The following MCF2L variants were observed in gnomAD, a reference collection of about 807,000 sequenced individuals.
The protein encoded by MCF2L is MCF.2 cell line derived transforming sequence like.
In MCF2L, 97 loss-of-function variants were observed where a neutral mutation model predicts 153.4. That is an observed-to-expected ratio of 0.63 (90% CI 0.54 to 0.75). MCF2L has a LOEUF of 0.75. MCF2L is among the 30% of genes least tolerant of loss of function. The probability of loss-of-function intolerance (pLI) is 0.00; values close to 1 mark genes in which losing one functional copy is unlikely to be tolerated. For missense variants in MCF2L, 1,347 were observed against 1,495.2 expected (o/e 0.90, Z 1.64); for synonymous variants, 659 against 632.2 (o/e 1.04, Z -0.64).
In MCF2L at chr13:113,096,757, G is replaced by T; in HGVS notation, c.3293-17G>T. On this transcript the variant is annotated splice_polypyrimidine_tract_variant and intron_variant, in intron 29 of 29. Coordinates refer to ENST00000535094, the MANE Select transcript of MCF2L (RefSeq NM_001112732.3). ...AGAGCCGACGCCGAAGCCCGTCCCC[G>T]CCTGATCTCCCCGCAGAGTCGAGCC... 3 of 1,564,354 alleles carry T rather than the reference G, an allele frequency of 1.9e-6. No individual in the cohort carries two copies. Among genetic ancestry groups the T allele is most frequent in the Non-Finnish European group, 1.7e-6 (2 of 1,163,462 alleles).
intron 1 of MCF2L, chr13:112,894,445 G>A (rs1433935769): frequency 6.6e-6 from 1 of 151,534 alleles, no homozygotes; most frequent in Non-Finnish European, 1.5e-5. Flanking sequence ...CGCGCGGGGC[G>A]GGGGCCTGGA....
chr13:112,935,313 G>A (rs558006744), intron 2 of MCF2L, among the ~76,000 whole-genome samples: 7 of 152,130 alleles, frequency 4.6e-5, no homozygotes, highest in Admixed American at 6.5e-5. Flanking sequence ...GCTGAAGTGC[G>A]GTGGCACGAT....
chr13:112,989,092 G>C (rs1169425910), intron 1 of MCF2L, among the ~76,000 whole-genome samples: 4 of 79,794 alleles, frequency 5.0e-5, no homozygotes, highest in Admixed American at 2.4e-4. Flanking sequence ...CTGAGCAGGG[G>C]ATGGAGCTAC....
intron 21 of MCF2L, 40 bp from the exon 22 acceptor site, chr13:113,087,195 C>G (rs747094710): frequency 6.4e-7 from 1 of 1,556,058 alleles, no homozygotes; most frequent in Non-Finnish European, 8.8e-7. Flanking sequence ...GGCCCCAGGC[C>G]CATCCCGTCC....
In MCF2L at chr13:112,960,714, C is replaced by G. The variant is rs1328562640; in HGVS notation, c.170-54049C>G. Among the ~76,000 whole-genome samples, 1 of 152,190 alleles carries G rather than the reference C, an allele frequency of 6.6e-6. No homozygotes were observed. Among genetic ancestry groups the G allele is most frequent in the East Asian group, 1.9e-4 (1 of 5,182 alleles). On this transcript the variant is annotated intron_variant, in intron 2 of 29. Coordinates refer to the MCF2L transcript ENST00000375608. The surrounding 1 kb of genome is among the most constrained non-coding windows in gnomAD (Gnocchi z 4.2). ...GAGCAGGGCTAGTCCCTTCTGGAGG[C>G]TCCAGGAAGAATCCTTTCCTCGCCC...
chr13:112,908,740 T>TTTTTTG (rs1566630560), intron 2 of MCF2L, among the ~76,000 whole-genome samples: 1 of 56,554 alleles, frequency 1.8e-5, no homozygotes, highest in Non-Finnish European at 3.5e-5. Context: ...TGGTTTTTTT[T>TTTTTTG]TGTTTTTTTT....
chr13:112,963,629 G>A (rs753572247), intron 2 of MCF2L, among the ~76,000 whole-genome samples: 22 of 152,294 alleles, frequency 1.4e-4, no homozygotes, highest in Middle Eastern at 6.8e-3. Context: ...GTAGAATTGC[G>A]TCCCCTGAAA....
chr13:112,898,431 T>G (rs1232029981), intron 1 of MCF2L, among the ~76,000 whole-genome samples: 1 of 152,084 alleles, frequency 6.6e-6, no homozygotes, highest in African/African-American at 2.4e-5. Flanking sequence ...AAAGGCACCA[T>G]CCCCGTGAAC....
In MCF2L at chr13:113,082,243, C is replaced by T. The variant is rs74115788; in HGVS notation, c.1876-184C>T. Among the ~76,000 whole-genome samples the T allele has an allele frequency of 3.7e-3, 571 of 152,334 alleles. 7 individuals carry two copies. Among genetic ancestry groups the T allele is most frequent in the African/African-American group, 0.013 (525 of 41,584 alleles). Reference sequence around the variant, plus strand: ...AAGGGTAGAACCTCCACCCCATTCCCCCAAATTGGTGCTGTTCATAATGCT... The same window carrying T: ...AAGGGTAGAACCTCCACCCCATTCCTCCAAATTGGTGCTGTTCATAATGCT... On this transcript the variant is annotated intron_variant, in intron 16 of 29. Transcript: ENST00000535094.
At chr13:112,995,617 C>T (rs1048616530) in intron 1 of MCF2L, among the ~76,000 whole-genome samples, 4 of 152,272 alleles carry the variant, frequency 2.6e-5, no homozygotes, top group Middle Eastern at 6.8e-3. Flanking sequence ...AAGTCACCCC[C>T]GGGATGTGCC....
chr13:112,990,862 G>A (rs2082869214), intron 1 of MCF2L, among the ~76,000 whole-genome samples: 2 of 151,894 alleles, frequency 1.3e-5, no homozygotes, highest in South Asian at 4.1e-4. Flanking sequence ...GGGGTAAGGA[G>A]AACTGGCGTG....
intron 21 of MCF2L, 67 bp from the exon 22 acceptor site, chr13:113,087,168 C>A: frequency 1.5e-6 from 2 of 1,378,354 alleles, no homozygotes; most frequent in Non-Finnish European, 2.0e-6. Flanking sequence ...TGCTTTCACT[C>A]AGCGATGCGC....
chr13:112,897,208 C>G (rs969525791), intron 1 of MCF2L, among the ~76,000 whole-genome samples: 2 of 152,174 alleles, frequency 1.3e-5, no homozygotes, highest in Admixed American at 6.5e-5. Flanking sequence ...TCGCTCCTGG[C>G]GTCCTAAAGT....
intron 2 of MCF2L, among the ~76,000 whole-genome samples, chr13:112,916,521 C>T (rs549424742): frequency 4.9e-4 from 75 of 152,336 alleles, no homozygotes; most frequent in African/African-American, 1.8e-3. Flanking sequence ...TCTCCCTTCT[C>T]ACCCAGCGTC....
chr13:113,050,750 G>GA (rs2087235704), intron 4 of MCF2L, among the ~76,000 whole-genome samples: 1 of 32,194 alleles, frequency 3.1e-5, no homozygotes. Flanking sequence ...GGAGCGGGGG[G>GA]GTGCGGGGGG....
At chr13:113,050,748 GGGGTGCGGGGGGC>G (rs2087235080) in intron 4 of MCF2L, among the ~76,000 whole-genome samples, 4 of 32,120 alleles carry the variant, frequency 1.2e-4, no homozygotes, top group African/African-American at 5.7e-4. Context: ...GGGGAGCGGG[GGGGTGCGGGGGGC>G]GGTGGCGGGG....
At chr13:112,913,634 T>C (rs2081259211) in intron 2 of MCF2L, among the ~76,000 whole-genome samples, 1 of 152,188 alleles carries the variant, frequency 6.6e-6, no homozygotes, top group Non-Finnish European at 1.5e-5. Context: ...GGCAGGCTGC[T>C]TCTCTGCACG....
intron 12 of MCF2L, among the ~76,000 whole-genome samples, chr13:113,076,743 G>C (rs1485325762): frequency 6.6e-6 from 1 of 152,264 alleles, no homozygotes; most frequent in East Asian, 1.9e-4. Context: ...GCCTGGCCCT[G>C]GGACCTGGTG....
chr13:112,987,776 C>G (rs1282293051), intron 1 of MCF2L, among the ~76,000 whole-genome samples: 2 of 152,230 alleles, frequency 1.3e-5, no homozygotes, highest in Non-Finnish European at 1.5e-5. Flanking sequence ...AGTGTGAAGT[C>G]TGGCAGGGGT....
Sources: gnomAD v4.1 joint callset for allele counts (sites outside exome capture counted in the v4.1 genomes callset) on GRCh38, gnomAD v4.1.1 for gene constraint, Gnocchi (gnomAD v3.1) non-coding constraint, MANE v1.5 for transcripts, NCBI Gene and HGNC (gene_info 2026-07-23, HGNC 2026-07-21) for gene names.